Variants in SMCO2 observed in about 807,000 individuals in gnomAD.
The protein encoded by SMCO2 is single-pass membrane protein with coiled-coil domains 2, also known as single-pass membrane and coiled-coil domain-containing protein 2.
Under a neutral mutation model 29.5 loss-of-function variants are expected in SMCO2, and 25 were observed. The ratio of observed to expected loss-of-function variants is 0.85; its 90% CI spans 0.62 to 1.18. The LOEUF (loss-of-function observed/expected upper bound fraction) is 1.18. SMCO2 is among the 50% of genes most tolerant of loss of function. The pLI, the probability that SMCO2 is intolerant of heterozygous loss-of-function variation, is 0.00. For missense variants in SMCO2, 348 were observed against 344.5 expected (o/e 1.01, Z -0.08); for synonymous variants, 117 against 123.3 (o/e 0.95, Z 0.34).
intron 6 of SMCO2, among the ~76,000 whole-genome samples, chr12:27,494,557 G>A (rs1296667134): frequency 6.7e-6 from 1 of 150,374 alleles, no homozygotes; most frequent in African/African-American, 2.4e-5. Context: ...TGCAGAACAT[G>A]CAGGTTTGTT....
At chr12:27,490,744 A>C (rs916307128) in intron 5 of SMCO2, among the ~76,000 whole-genome samples, 1 of 152,168 alleles carries the variant, frequency 6.6e-6, no homozygotes, top group Non-Finnish European at 1.5e-5. Flanking sequence ...AGCCACGGCA[A>C]CATAGCGAGA....
chr12:27,430,940 C>T, the SMCO2 span, among the ~76,000 whole-genome samples: 1,022 of 152,126 alleles, frequency 6.7e-3, 10 homozygotes, highest in East Asian at 0.048. Context: ...TGTGTGCTCT[C>T]GGGGACCCTA....
upstream of SMCO2, among the ~76,000 whole-genome samples, chr12:27,462,233 G>A (rs1167570357): frequency 6.6e-6 from 1 of 152,106 alleles, no homozygotes; most frequent in African/African-American, 2.4e-5. Flanking sequence ...TATAGTTCCA[G>A]CTCTGACATC....
intron 7 of SMCO2, 48 bp downstream of exon 8, chr12:27,495,903 T>C (rs1324960369): frequency 6.0e-6 from 8 of 1,343,784 alleles, no homozygotes; most frequent in Non-Finnish European, 7.8e-6. Flanking sequence ...TGCCCCAAAA[T>C]GTATGGATTA....
At chr12:27,445,899 TTC>T in the SMCO2 span, among the ~76,000 whole-genome samples, 255 of 152,024 alleles carry the variant, frequency 1.7e-3, 1 homozygote, top group Non-Finnish European at 1.4e-3. Flanking sequence ...TTCTTTTTCT[TTC>T]TCTCTCTCTC....
the SMCO2 span, among the ~76,000 whole-genome samples, chr12:27,432,112 G>GT: frequency 6.6e-6 from 1 of 152,030 alleles, no homozygotes; most frequent in Non-Finnish European, 1.5e-5. Flanking sequence ...AAGTTATTTG[G>GT]TTTTTTTGTT....
At chr12:27,500,285 T>C (rs1218965696) in intron 7 of SMCO2, among the ~76,000 whole-genome samples, 1 of 150,212 alleles carries the variant, frequency 6.7e-6, no homozygotes, top group Non-Finnish European at 1.5e-5. Context: ...GAAATAAATA[T>C]GAATTTAACT....
the SMCO2 span, among the ~76,000 whole-genome samples, chr12:27,434,562 CA>C: frequency 6.6e-6 from 1 of 151,874 alleles, no homozygotes; most frequent in East Asian, 1.9e-4. Flanking sequence ...CTTTAGAACA[CA>C]AAAAGAAGAT....
chr12:27,490,920 C>A (rs946677353), intron 5 of SMCO2, among the ~76,000 whole-genome samples: 14 of 152,020 alleles, frequency 9.2e-5, no homozygotes, highest in Non-Finnish European at 8.8e-5. Flanking sequence ...CCTGGGCAGC[C>A]GAGTGAGACA....
At chr12:27,457,676 A>G in the SMCO2 span, among the ~76,000 whole-genome samples, 1 of 152,242 alleles carries the variant, frequency 6.6e-6, no homozygotes, top group Non-Finnish European at 1.5e-5. Flanking sequence ...AAGCATGTCA[A>G]TGCTAGACAC....
the SMCO2 span, among the ~76,000 whole-genome samples, chr12:27,449,659 G>C: frequency 6.6e-6 from 1 of 152,188 alleles, no homozygotes; most frequent in African/African-American, 2.4e-5. Context: ...TCCCTTGAAG[G>C]GGGGAAAAGT....
intron 4 of SMCO2, among the ~76,000 whole-genome samples, chr12:27,480,934 A>G (rs1373159274): frequency 6.6e-6 from 1 of 152,192 alleles, no homozygotes. Context: ...ACACACTGTC[A>G]GTGGCAGAGA....
the SMCO2 span, among the ~76,000 whole-genome samples, chr12:27,432,578 T>C: frequency 6.6e-6 from 1 of 152,192 alleles, no homozygotes; most frequent in Non-Finnish European, 1.5e-5. Context: ...GGATAGCATT[T>C]GTACCATATC....
intron 3 of SMCO2, among the ~76,000 whole-genome samples, chr12:27,474,306 A>C (rs1266916425): frequency 1.3e-5 from 2 of 152,218 alleles, no homozygotes; most frequent in African/African-American, 4.8e-5. Flanking sequence ...CAATTCTCTC[A>C]ATATTCTAAT....
At chr12:27,493,908 A>G (rs1233376515) in intron 5 of SMCO2, 1 of 152,962 alleles carries the variant, frequency 6.5e-6, no homozygotes, top group Non-Finnish European at 1.5e-5. Flanking sequence ...AATGACTTAC[A>G]TTCATAAATT....
At chr12:27,434,256 C>G in the SMCO2 span, among the ~76,000 whole-genome samples, 1 of 152,124 alleles carries the variant, frequency 6.6e-6, no homozygotes, top group Non-Finnish European at 1.5e-5. Context: ...CCACCTGAGC[C>G]CACTGAATCA....
At chr12:27,439,284 C>T in the SMCO2 span, among the ~76,000 whole-genome samples, 1 of 152,228 alleles carries the variant, frequency 6.6e-6, no homozygotes, top group African/African-American at 2.4e-5. Context: ...CATTCCCACA[C>T]TGCTGGGATA....
In SMCO2 at chr12:27,474,684, T is replaced by C; in HGVS notation, c.235-102T>C. 5.2e-6 allele frequency: 7 copies of C among 1,349,762 alleles called. 1 individual carries two copies. In the South Asian group the frequency reaches 8.3e-5, roughly 16 times the overall value. 83.6% of individuals were successfully genotyped at this position (1,349,762 alleles called of 1,614,324 possible). On this transcript the variant is annotated intron_variant, in intron 3 of 7. Coordinates refer to ENST00000298876, the Ensembl canonical transcript of SMCO2. ...AAAGCTCCAGTCTCAGAGAGGACTA[T>C]GTGCTTGACCCCAGCAAAGGGGGAT...
intron 1 of SMCO2, among the ~76,000 whole-genome samples, chr12:27,467,286 A>G (rs1178361418): frequency 6.6e-6 from 1 of 152,146 alleles, no homozygotes; most frequent in Admixed American, 6.5e-5. Flanking sequence ...GATTCACTCC[A>G]TTTGTACCAA....
Sources: gnomAD v4.1 joint callset for allele counts (sites outside exome capture counted in the v4.1 genomes callset) on GRCh38, gnomAD v4.1.1 for gene constraint, MANE v1.5 for transcripts, NCBI Gene and HGNC (gene_info 2026-07-23, HGNC 2026-07-21) for gene names.